Variants in STPG2 observed in about 807,000 individuals in gnomAD.
STPG2 encodes sperm-tail PG-rich repeat-containing protein 2.
STPG2 carries 56 observed loss-of-function variants against 54.2 expected under a neutral mutation model. The ratio of observed to expected loss-of-function variants is 1.03; its 90% confidence interval spans 0.83 to 1.29. STPG2 has a LOEUF of 1.29. Ranked by LOEUF, STPG2 falls within the 50% of genes most tolerant of loss-of-function variation. The pLI, the probability that STPG2 is intolerant of heterozygous loss-of-function variation, is 0.00. For missense variants in STPG2, 596 were observed against 544.9 expected (o/e 1.09, Z -0.93); for synonymous variants, 200 against 181.8 (o/e 1.10, Z -0.81).
chr4:97,622,339 C>A lies in STPG2; in HGVS notation c.1321-63222G>T, dbSNP rs576332110. ...ATAGGAAGAGAGGAAGTCAAACCACCCTTGTTTACCAATGATATGACTCTA... is the reference window on the plus strand; with the variant it reads ...ATAGGAAGAGAGGAAGTCAAACCACACTTGTTTACCAATGATATGACTCTA... On this transcript the variant is annotated intron_variant, in intron 10 of 10. Coordinates refer to ENST00000295268, the MANE Select transcript of STPG2 (RefSeq NM_174952.3). Among the ~76,000 whole-genome samples, 73 of 152,182 alleles carry A rather than the reference C, an allele frequency of 4.8e-4. 1 individual carries two copies. In the South Asian group the frequency reaches 0.015, roughly 30 times the overall value.
At chr4:97,833,215 C>A (rs899444914) in intron 9 of STPG2, among the ~76,000 whole-genome samples, 1 of 152,166 alleles carries the variant, frequency 6.6e-6, no homozygotes, top group Admixed American at 6.5e-5. Context: ...CACGCATCTA[C>A]AACCATCAGA....
intron 9 of STPG2, among the ~76,000 whole-genome samples, chr4:97,826,518 G>T (rs1458446910): frequency 6.6e-6 from 1 of 152,084 alleles, no homozygotes; most frequent in Admixed American, 6.5e-5. Flanking sequence ...GCACTGATCT[G>T]CTCTTTAAAA....
chr4:98,120,820 G>C (rs1262654114), intron 3 of STPG2, among the ~76,000 whole-genome samples: 4 of 152,080 alleles, frequency 2.6e-5, no homozygotes, highest in Admixed American at 6.5e-5. Flanking sequence ...CTGTCAAATG[G>C]ATAGATTGCA....
intron 10 of STPG2, among the ~76,000 whole-genome samples, chr4:97,677,695 G>A (rs2148975400): frequency 6.6e-6 from 1 of 152,296 alleles, no homozygotes; most frequent in Non-Finnish European, 1.5e-5. Flanking sequence ...GAACTTAGAT[G>A]TTATGTCGAG....
intron 5 of STPG2, among the ~76,000 whole-genome samples, chr4:98,043,474 TA>T (rs1737027790): frequency 6.6e-6 from 1 of 152,090 alleles, no homozygotes; most frequent in South Asian, 2.1e-4. Flanking sequence ...ATCTGTTGTG[TA>T]ACTTTTATAA....
At chr4:97,679,110 G>A (rs1313610262) in intron 10 of STPG2, among the ~76,000 whole-genome samples, 1 of 152,086 alleles carries the variant, frequency 6.6e-6, no homozygotes, top group African/African-American at 2.4e-5. Flanking sequence ...CTTTATAACA[G>A]CATGATTTAT....
chr4:97,664,379 G>T (rs76742113), intron 10 of STPG2, among the ~76,000 whole-genome samples: 2,634 of 152,262 alleles, frequency 0.017, 67 homozygotes, highest in African/African-American at 0.059. Flanking sequence ...TACAATCAAT[G>T]ACAGTCTAAT....
intron 5 of STPG2, among the ~76,000 whole-genome samples, chr4:98,014,984 A>C (rs889258363): frequency 2.6e-5 from 4 of 152,112 alleles, no homozygotes; most frequent in African/African-American, 9.7e-5. Context: ...CCATGTTATG[A>C]TTGTTCCCTA....
intron 4 of STPG2, among the ~76,000 whole-genome samples, chr4:97,473,546 C>CA (rs1393354213): frequency 6.6e-6 from 1 of 152,162 alleles, no homozygotes; most frequent in African/African-American, 2.4e-5. Context: ...TTATCAATGA[C>CA]AATGCGTGCC....
intron 8 of STPG2, among the ~76,000 whole-genome samples, chr4:97,929,356 T>C (rs1010599964): frequency 1.3e-5 from 2 of 152,226 alleles, no homozygotes; most frequent in Non-Finnish European, 2.9e-5. Flanking sequence ...TGTGTCTTTA[T>C]GGTAGAACAA....
chr4:97,718,319 A>T (rs751706210), intron 9 of STPG2, among the ~76,000 whole-genome samples: 5 of 152,092 alleles, frequency 3.3e-5, no homozygotes, highest in Non-Finnish European at 7.4e-5. Context: ...TACCATTTAA[A>T]TTGTGACTAT....
At chr4:98,061,399 G>T (rs1477439799) in intron 5 of STPG2, among the ~76,000 whole-genome samples, 2 of 152,166 alleles carry the variant, frequency 1.3e-5, no homozygotes, top group Non-Finnish European at 2.9e-5. Flanking sequence ...GCAGGAGGAA[G>T]AGAGAGAGTG....
intron 8 of STPG2, among the ~76,000 whole-genome samples, chr4:97,846,623 CAAAAAAAAAAA>C (rs540016952): frequency 1.5e-5 from 1 of 68,374 alleles, no homozygotes; most frequent in Non-Finnish European, 2.9e-5. Flanking sequence ...GACTCCACCT[CAAAAAAAAAAA>C]AAAAAAAAAA....
chr4:97,988,854 T>A (rs1734908550), intron 5 of STPG2, among the ~76,000 whole-genome samples: 1 of 152,188 alleles, frequency 6.6e-6, no homozygotes, highest in Non-Finnish European at 1.5e-5. Context: ...GCTCAAGCGA[T>A]CTGCCCGCCT....
At chr4:97,830,518 A>G (rs1267507394) in intron 9 of STPG2, among the ~76,000 whole-genome samples, 1 of 152,210 alleles carries the variant, frequency 6.6e-6, no homozygotes, top group Admixed American at 6.5e-5. Flanking sequence ...AAGTTCACAC[A>G]TAACAATATT....
chr4:97,529,236 T>C (rs1731358602), intron 4 of STPG2, among the ~76,000 whole-genome samples: 1 of 152,218 alleles, frequency 6.6e-6, no homozygotes, highest in Non-Finnish European at 1.5e-5. Flanking sequence ...TCTATGGAGA[T>C]AATCATGTGA....
intron 4 of STPG2, among the ~76,000 whole-genome samples, chr4:97,518,618 TA>T (rs1731121998): frequency 6.6e-6 from 1 of 152,098 alleles, no homozygotes; most frequent in South Asian, 2.1e-4. Flanking sequence ...AATACTGTAT[TA>T]ATGTAAATTG....
intron 10 of STPG2, among the ~76,000 whole-genome samples, chr4:97,624,538 G>A (rs948955415): frequency 1.6e-4 from 24 of 152,098 alleles, no homozygotes; most frequent in African/African-American, 5.6e-4. Flanking sequence ...TCTGTCAGGT[G>A]GATAGGTTGC....
At chr4:97,813,262 G>T (rs1578586694) in intron 9 of STPG2, among the ~76,000 whole-genome samples, 1 of 152,038 alleles carries the variant, frequency 6.6e-6, no homozygotes, top group South Asian at 2.1e-4. Flanking sequence ...TAAAATAAAT[G>T]GAAGGCTACC....
Sources: gnomAD v4.1 joint callset for allele counts (sites outside exome capture counted in the v4.1 genomes callset) on GRCh38, gnomAD v4.1.1 for gene constraint, MANE v1.5 for transcripts, NCBI Gene and HGNC (gene_info 2026-07-23, HGNC 2026-07-21) for gene names.